Variants in CWF19L2 observed in about 807,000 individuals in gnomAD.
CWF19L2 encodes CWF19-like protein 2.
In CWF19L2, 98 loss-of-function variants were observed where a neutral mutation model predicts 111.7. The observed-to-expected ratio is 0.88, with a 90% CI of 0.75 to 1.04. The LOEUF is 1.04. Among genes scored for constraint, CWF19L2 ranks in the 50% least tolerant of loss-of-function variants. The pLI, the probability that CWF19L2 is intolerant of heterozygous loss-of-function variation, is 0.00. For missense variants in CWF19L2, 1,101 were observed against 1,051.4 expected (o/e 1.05, Z -0.65); for synonymous variants, 351 against 342.9 (o/e 1.02, Z -0.26).
intron 16 of CWF19L2, among the ~76,000 whole-genome samples, chr11:107,334,520 G>C (rs75181037): frequency 0.019 from 2,963 of 152,244 alleles, 105 homozygotes; most frequent in East Asian, 0.17. Flanking sequence ...TTTTCTCTCA[G>C]TATAATTGCA....
rs1474351578 is a variant in CWF19L2 at position 107,416,279 on chromosome 11, T to C, written c.1547A>G (p.Lys516Arg). ...MGNMELAEQL[K>R]VQLEKANKFK... ...TTTATTTGCCTTTTCAAGTTGAACT[T>C]TAAGTTGTTCAGCTAATTCCTTCAA... Residue 516 changes from lysine (K) to arginine (R), a missense_variant, in exon 10 of 18, where the codon AAA becomes AGA. Coordinates refer to ENST00000282251, the MANE Select transcript of CWF19L2 (RefSeq NM_152434.3). 1 of 1,472,944 alleles carries C rather than the reference T, an allele frequency of 6.8e-7. No homozygotes were observed. The highest frequency in any genetic ancestry group is 9.1e-7 in the Non-Finnish European group (1 of 1,098,278). 91.2% of individuals were successfully genotyped at this position (1,472,944 alleles called of 1,614,324 possible). A position where few individuals can be genotyped will look rare whatever the true frequency, so the allele number is the denominator to read the frequency against.
intron 10 of CWF19L2, among the ~76,000 whole-genome samples, chr11:107,399,419 G>A (rs1450712762): frequency 1.3e-5 from 2 of 152,178 alleles, no homozygotes; most frequent in Admixed American, 1.3e-4. Flanking sequence ...AGGAGGAGTA[G>A]CTATTCTTAT....
intron 3 of CWF19L2, among the ~76,000 whole-genome samples, chr11:107,452,551 G>C (rs1002376358): frequency 1.3e-5 from 2 of 152,110 alleles, no homozygotes; most frequent in Non-Finnish European, 2.9e-5. Context: ...CCTTCCAATA[G>C]GGAAAATTCA....
chr11:107,338,158 G>A (rs548126092), intron 14 of CWF19L2, among the ~76,000 whole-genome samples: 60 of 152,088 alleles, frequency 3.9e-4, no homozygotes, highest in African/African-American at 1.2e-3. Flanking sequence ...CAACCTCGTC[G>A]TACTCAGGCT....
chr11:107,326,811 T>TGA lies in CWF19L2; in HGVS notation c.*98_*99insTC. The TGA allele has an allele frequency of 9.8e-7, 1 of 1,019,850 alleles. No homozygotes were observed. Among genetic ancestry groups the TGA allele is most frequent in the Non-Finnish European group, 1.4e-6 (1 of 708,432 alleles). 63.2% of individuals were successfully genotyped at this position (1,019,850 alleles called of 1,614,324 possible). A position where few individuals can be genotyped will look rare whatever the true frequency, so the allele number is the denominator to read the frequency against. The stretch of plus-strand genomic sequence containing the variant: ...ACCCAGAGCAGTCTGCTGCTGTGAC[T>TGA]CTCTCTGCCTGTGACCTGAGGGTCA... On this transcript the variant is annotated 3_prime_UTR_variant, in exon 18 of 18. Coordinates refer to ENST00000282251, the MANE Select transcript of CWF19L2 (RefSeq NM_152434.3).
chr11:107,407,717 G>A (rs1453133134), intron 10 of CWF19L2, among the ~76,000 whole-genome samples: 1 of 151,938 alleles, frequency 6.6e-6, no homozygotes, highest in African/African-American at 2.4e-5. Flanking sequence ...GTTTGAGATA[G>A]TCTATGACAT....
rs2134513918 is a variant in CWF19L2, at chr11:107,327,038, T to A, written c.2557A>T (p.Met853Leu). 1 of 1,602,188 alleles carries A rather than the reference T, an allele frequency of 6.2e-7. No individual in the cohort carries two copies. The highest frequency in any genetic ancestry group is 8.5e-7 in the Non-Finnish European group (1 of 1,176,104). The change falls in exon 18 of 18, where the codon ATG becomes TTG. Residue 853 changes from methionine to leucine, a missense_variant. Transcript: ENST00000282251. ...HYFGKEIIGG[M>L]LDIEPRLWRK... is the part of the protein sequence containing the mutation. ...CAAAGTCTTGGTTCTATATCCAGCA[T>A]CCCACCTATGATTTCCTTTTAAAGA...
At chr11:107,427,882 GA>G (rs34144487) in intron 8 of CWF19L2, among the ~76,000 whole-genome samples, 27,144 of 151,902 alleles carry the variant, frequency 0.18, 2,600 homozygotes, top group Middle Eastern at 0.27. Flanking sequence ...CCCTCCCACC[GA>G]AAATTACACA....
chr11:107,438,009 GA>G (rs1424475016), intron 6 of CWF19L2, among the ~76,000 whole-genome samples: 4 of 150,366 alleles, frequency 2.7e-5, no homozygotes, highest in South Asian at 2.1e-4. Flanking sequence ...GAAGTTGAAA[GA>G]AAAAAAAAGA....
In CWF19L2 at chr11:107,428,900, T is replaced by G; in HGVS notation, c.1332A>C (p.Gln444His). The G allele has an allele frequency of 6.2e-7, 1 of 1,613,708 alleles. No individual in the cohort carries two copies. Among genetic ancestry groups the G allele is most frequent in the East Asian group, 2.2e-5 (1 of 44,854 alleles). ...KPSETSTDEH[Q>H]HVPEDPREKS... ...TTTCTCTTGGGTCTTCTGGAACATGTTGGTGTTCATCAGTACTGGTTTCCG... is the reference window on the plus strand; with the variant it reads ...TTTCTCTTGGGTCTTCTGGAACATGGTGGTGTTCATCAGTACTGGTTTCCG... Residue 444 changes from glutamine to histidine, a missense_variant, in exon 8 of 18, where the codon CAA becomes CAC. Coordinates refer to ENST00000282251, the MANE Select transcript of CWF19L2 (RefSeq NM_152434.3).
intron 17 of CWF19L2, among the ~76,000 whole-genome samples, chr11:107,328,904 T>C (rs927032936): frequency 6.6e-6 from 1 of 152,222 alleles, no homozygotes; most frequent in Admixed American, 6.5e-5. Flanking sequence ...AGTTCAAAGA[T>C]GCATGTTACT....
chr11:107,356,828 G>A (rs1322336721), intron 12 of CWF19L2, among the ~76,000 whole-genome samples: 3 of 151,938 alleles, frequency 2.0e-5, no homozygotes, highest in Admixed American at 1.3e-4. Flanking sequence ...ACCTGAGGTT[G>A]GGAGTTTGAG....
intron 6 of CWF19L2, among the ~76,000 whole-genome samples, 172 bp from the exon 7 acceptor site, chr11:107,433,921 T>TATATATATATATA (rs1861504255): frequency 2.9e-5 from 4 of 140,250 alleles, no homozygotes; most frequent in African/African-American, 7.8e-5. Context: ...TATATATATA[T>TATATATATATATA]TTCAGTGCCT....
chr11:107,410,985 T>C (rs1350074632), intron 10 of CWF19L2, among the ~76,000 whole-genome samples: 1 of 152,060 alleles, frequency 6.6e-6, no homozygotes, highest in African/African-American at 2.4e-5. Context: ...ATGGTCAATT[T>C]ATTTGGTAGG....
intron 12 of CWF19L2, among the ~76,000 whole-genome samples, chr11:107,386,590 A>G (rs1860769796): frequency 1.3e-5 from 2 of 152,122 alleles, no homozygotes; most frequent in Non-Finnish European, 2.9e-5. Flanking sequence ...TGACACAGTC[A>G]TTCACAGCCT....
At chr11:107,402,871 G>GTGTGTGTATA in intron 10 of CWF19L2, among the ~76,000 whole-genome samples, 1 of 57,108 alleles carries the variant, frequency 1.8e-5, no homozygotes, top group East Asian at 5.2e-4. Context: ...AAACTGTGGT[G>GTGTGTGTATA]TGTATATATA....
At position 107,433,729 on chromosome 11, in the gene CWF19L2, C is replaced by A; in HGVS notation, c.685G>T (p.Gly229Ter). ...TAAGATTTCCTTAGCCAGCTTAATC[C>A]ACCATCTTCTACCACTGAAACTAAA... ...ITKVSVVEDG[G>*]LSWLRKSYLR... is the part of the protein sequence containing the mutation. The change falls in exon 7 of 18, where the codon GGA becomes TGA. Residue 229 changes from glycine to a stop codon, truncating the protein, a stop_gained. Transcript: ENST00000282251. LOFTEE classifies it high-confidence loss of function. 1 of 1,577,828 alleles carries A rather than the reference C, an allele frequency of 6.3e-7. No homozygotes were observed. The highest frequency in any genetic ancestry group is 1.8e-5 in the Admixed American group (1 of 56,562).
At chr11:107,417,301 G>A (rs1861240691) in intron 9 of CWF19L2, among the ~76,000 whole-genome samples, 2 of 152,118 alleles carry the variant, frequency 1.3e-5, no homozygotes, top group Admixed American at 1.3e-4. Flanking sequence ...ATTTTAATAT[G>A]CATGTGACAA....
At chr11:107,408,063 G>C (rs1413339496) in intron 10 of CWF19L2, among the ~76,000 whole-genome samples, 1 of 151,916 alleles carries the variant, frequency 6.6e-6, no homozygotes. Context: ...AATGGTAACA[G>C]GATCCCAAAA....
Sources: allele counts gnomAD v4.1 joint callset (sites outside exome capture counted in the v4.1 genomes callset), GRCh38; gene constraint gnomAD v4.1.1; transcripts MANE v1.5; gene names NCBI Gene and HGNC (gene_info 2026-07-23, HGNC 2026-07-21).